Variants in IYD observed in about 807,000 individuals in gnomAD.
The protein encoded by IYD is iodotyrosine deiodinase, also known as iodotyrosine deiodinase 1.
In IYD, 25 loss-of-function variants were observed where a neutral mutation model predicts 28.4. The ratio of observed to expected loss-of-function variants is 0.88; its 90% CI spans 0.64 to 1.23. IYD has a LOEUF of 1.23. IYD is among the 50% of genes most tolerant of loss of function. The pLI is 0.00. For missense variants in IYD, 352 were observed against 357.9 expected (o/e 0.98, Z 0.13); for synonymous variants, 140 against 130.8 (o/e 1.07, Z -0.48).
chr6:150,370,005 G>A, intron 1 of IYD: 2 of 701,972 alleles, frequency 2.8e-6, no homozygotes, highest in Non-Finnish European at 5.2e-6. Context: ...AGGTGATGAA[G>A]GAGGCAGGTA....
chr6:150,392,182 G>A (rs1031748080), intron 2 of IYD, 163 bp from the exon 3 acceptor site: 3 of 426,368 alleles, frequency 7.0e-6, no homozygotes, highest in African/African-American at 2.2e-5. Flanking sequence ...GCACACACCA[G>A]CACACCCTGC....
intron 4 of IYD, chr6:150,396,393 T>C (rs998495154): frequency 3.1e-6 from 2 of 638,686 alleles, no homozygotes; most frequent in Non-Finnish European, 5.5e-6. Context: ...GAGTGAAAGA[T>C]AAAATAATAA....
chr6:150,384,004 TAAC>T (rs1407398690), intron 1 of IYD, among the ~76,000 whole-genome samples: 1 of 152,112 alleles, frequency 6.6e-6, no homozygotes, highest in African/African-American at 2.4e-5. Flanking sequence ...GGAAGATATA[TAAC>T]AACATTATAT....
Position 150,398,341 on chromosome 6 carries a change from A to C in IYD, c.*104A>C. 1 of 1,125,938 alleles carries C rather than the reference A, an allele frequency of 8.9e-7. No individual in the cohort carries two copies. Among genetic ancestry groups the C allele is most frequent in the Non-Finnish European group, 1.3e-6 (1 of 754,092 alleles). 69.7% of individuals were successfully genotyped at this position (1,125,938 alleles called of 1,614,324 possible). On this transcript the variant is annotated 3_prime_UTR_variant, in exon 5 of 5. Transcript: ENST00000344419. ...CTTGGCTGCTCTTTCTCCAGGTGTC[A>C]GGTCCCCTCATTGCTCTTCTCAGGT...
chr6:150,387,367 C>A (rs533852121), intron 1 of IYD, among the ~76,000 whole-genome samples: 50 of 150,790 alleles, frequency 3.3e-4, no homozygotes, highest in African/African-American at 1.0e-3. Context: ...TTGAGTCCAG[C>A]CTGGGCAACA....
At chr6:150,381,874 ATTC>A (rs1777658343) in intron 1 of IYD, among the ~76,000 whole-genome samples, 1 of 152,172 alleles carries the variant, frequency 6.6e-6, no homozygotes, top group Non-Finnish European at 1.5e-5. Context: ...ATCACAATTT[ATTC>A]TACTGTTGAT....
rs1778521013 is a variant in IYD, at chr6:150,401,930, C to T, written c.*3693C>T. 2.0e-5 allele frequency: 3 copies of T among 152,214 alleles called. No individual in the cohort carries two copies. The allele number at this position is 152,214 out of a possible 1,614,324, so 9.4% of individuals were successfully genotyped here. A position where few individuals can be genotyped will look rare whatever the true frequency, so the allele number is the denominator to read the frequency against. ...GGTCCTCATACTTGCTGGCATCCCT[C>T]ATCTGGTGGTCTGTTAAAGCACAGA... On this transcript the variant is annotated 3_prime_UTR_variant, in exon 5 of 5. Coordinates refer to ENST00000344419, the MANE Select transcript of IYD (RefSeq NM_203395.3).
chr6:150,396,434 TAAG>T (rs1219133267), intron 4 of IYD: 12 of 678,124 alleles, frequency 1.8e-5, no homozygotes, highest in Non-Finnish European at 2.9e-5. Flanking sequence ...ATAATATTAA[TAAG>T]AGGAATTGTT....
At chr6:150,391,234 A>C (rs1438657098) in intron 2 of IYD, among the ~76,000 whole-genome samples, 1 of 42,864 alleles carries the variant, frequency 2.3e-5, no homozygotes, top group Admixed American at 2.2e-4. Flanking sequence ...AGACGCCATC[A>C]AAAAAAAAAA....
chr6:150,371,262 G>A (rs1157608251), intron 1 of IYD, among the ~76,000 whole-genome samples: 1 of 152,194 alleles, frequency 6.6e-6, no homozygotes, highest in Non-Finnish European at 1.5e-5. Context: ...GTACAATGAG[G>A]TAGGCACTAT....
intron 1 of IYD, among the ~76,000 whole-genome samples, chr6:150,378,551 C>T (rs1437038774): frequency 1.3e-5 from 2 of 152,180 alleles, no homozygotes; most frequent in African/African-American, 4.8e-5. Context: ...TGCTCACCAT[C>T]ACTGGCCATC....
chr6:150,403,274 C>A lies in IYD; in HGVS notation c.*5037C>A, dbSNP rs1414417132. The A allele has an allele frequency of 6.6e-6, 1 of 152,192 alleles. No homozygotes were observed. Among genetic ancestry groups the A allele is most frequent in the Non-Finnish European group, 1.5e-5 (1 of 68,032 alleles). The allele number at this position is 152,192 out of a possible 1,614,324, so 9.4% of individuals were successfully genotyped here. ...TATTTTGCTAGGTATCAGCAGAGTG[C>A]CCTCTTATAATTTGTGTGAAATGGA... is the stretch of plus-strand genomic sequence containing the variant. On this transcript the variant is annotated 3_prime_UTR_variant, in exon 5 of 5. Coordinates refer to ENST00000344419, the MANE Select transcript of IYD (RefSeq NM_203395.3).
chr6:150,372,268 T>C (rs1234123216), intron 1 of IYD, among the ~76,000 whole-genome samples: 1 of 129,010 alleles, frequency 7.8e-6, no homozygotes, highest in Admixed American at 8.3e-5. Flanking sequence ...GGGTGGGTTG[T>C]GGGGTGGTGA....
At position 150,404,070 on chromosome 6, in the gene IYD, C is replaced by T. The variant is rs892763697; in HGVS notation, c.*5833C>T. ...GTAACCACAGCACTCAGGGCACTGT[C>T]TCCCAGCGCTGGAGTACTGTCTTAT... On this transcript the variant is annotated 3_prime_UTR_variant, in exon 5 of 5. Transcript: ENST00000344419. The T allele has an allele frequency of 6.6e-6, 1 of 152,216 alleles. No individual in the cohort carries two copies. The highest frequency in any genetic ancestry group is 2.4e-5 in the African/African-American group (1 of 41,450). 9.4% of individuals were successfully genotyped at this position (152,216 alleles called of 1,614,324 possible). A position where few individuals can be genotyped will look rare whatever the true frequency, so the allele number is the denominator to read the frequency against.
intron 1 of IYD, chr6:150,370,113 G>A (rs1777166606): frequency 2.9e-6 from 2 of 692,090 alleles, no homozygotes; most frequent in Admixed American, 2.0e-5. Flanking sequence ...ATCTTCAGCT[G>A]GGCTAATGAT....
Position 150,389,395 on chromosome 6 carries a change from C to A in IYD, c.222C>A (p.Ile74=). ...WQESEENVEH[I]PFSHNHYPEK... The stretch of plus-strand genomic sequence containing the variant: ...AATCAGAAGAAAATGTTGAACACAT[C>A]CCCTTCTCTCATAACCACTATCCTG... The change falls in exon 2 of 5, where the codon ATC becomes ATA. Residue 74 remains isoleucine, a synonymous_variant. Transcript: ENST00000344419. 1 of 1,613,704 alleles carries A rather than the reference C, an allele frequency of 6.2e-7. No individual in the cohort carries two copies. The highest frequency in any genetic ancestry group is 8.5e-7 in the Non-Finnish European group (1 of 1,179,640).
chr6:150,370,111 C>A, intron 1 of IYD: 1 of 693,860 alleles, frequency 1.4e-6, no homozygotes. Context: ...TGATCTTCAG[C>A]TGGGCTAATG....
chr6:150,404,947 C>G lies in IYD; in HGVS notation c.*6710C>G, dbSNP rs906994030. 3 of 152,146 alleles carry G rather than the reference C, an allele frequency of 2.0e-5. No homozygotes were observed. Among genetic ancestry groups the G allele is most frequent in the African/African-American group, 4.8e-5 (2 of 41,418 alleles). 9.4% of individuals were successfully genotyped at this position (152,146 alleles called of 1,614,324 possible). A position where few individuals can be genotyped will look rare whatever the true frequency, so the allele number is the denominator to read the frequency against. On this transcript the variant is annotated 3_prime_UTR_variant, in exon 5 of 5. Coordinates refer to ENST00000344419, the MANE Select transcript of IYD (RefSeq NM_203395.3). ...TCTCTTGGTCTTTCTTCATAACCAC[C>G]GGATGCTGTTATAGCTTCACCAATC...
chr6:150,369,209 G>A lies in IYD; in HGVS notation c.178G>A (p.Asp60Asn), dbSNP rs1345341981. Residue 60 changes from aspartate (D) to asparagine (N), a missense_variant and splice_region_variant, in exon 1 of 5, where the codon GAT becomes AAT. Physicochemically the swap from Asp to Asn is conservative, Grantham distance 23. Coordinates refer to ENST00000344419, the MANE Select transcript of IYD (RefSeq NM_203395.3). ...DSSDLHQAEE[D>N]ADEWQESEEN... ...CAGTGACCTGCACCAAGCAGAAGAA[G>A]GTAAAGACACCAGCTATGCTGCTTA... 12 of 1,611,798 alleles carry A rather than the reference G, an allele frequency of 7.4e-6. No homozygotes were observed. Among genetic ancestry groups the A allele is most frequent in the Non-Finnish European group, 9.3e-6 (11 of 1,179,866 alleles).
Sources: gnomAD v4.1 joint callset for allele counts (sites outside exome capture counted in the v4.1 genomes callset) on GRCh38, gnomAD v4.1.1 for gene constraint, MANE v1.5 for transcripts, NCBI Gene and HGNC (gene_info 2026-07-23, HGNC 2026-07-21) for gene names.